The following EIF2AK1 variants were observed in gnomAD, a reference collection of about 807,000 sequenced individuals.
EIF2AK1 encodes eukaryotic translation initiation factor 2-alpha kinase 1.
EIF2AK1 carries 54 observed loss-of-function variants against 77.9 expected under a neutral mutation model. The observed-to-expected ratio is 0.69, with a 90% CI of 0.56 to 0.87. The LOEUF is 0.87. Among genes scored for constraint, EIF2AK1 ranks in the 40% least tolerant of loss-of-function variants. The pLI, the probability that EIF2AK1 is intolerant of heterozygous loss-of-function variation, is 0.00. For missense variants in EIF2AK1, 810 were observed against 768.6 expected, an observed-to-expected ratio of 1.05 and a Z score of -0.64; for synonymous variants, 314 against 290.5, an observed-to-expected ratio of 1.08 and a Z score of -0.82.
intron 9 of EIF2AK1, 37 bp from the exon 10 acceptor site, chr7:6,038,708 C>T (rs766216264): frequency 9.9e-6 from 15 of 1,516,686 alleles, no homozygotes; most frequent in Admixed American, 7.3e-5. Flanking sequence ...CATCTTTGCA[C>T]GATTCACTCG....
chr7:6,043,056 C>CACG, intron 7 of EIF2AK1, 63 bp from the exon 8 acceptor site: 2 of 1,520,212 alleles, frequency 1.3e-6, no homozygotes, highest in Non-Finnish European at 1.8e-6. Context: ...TAGTCAAAGA[C>CACG]AGAGTTAAAA....
At position 6,059,084 on chromosome 7, in the gene EIF2AK1, C is replaced by T; in HGVS notation, c.-1G>A. 1 of 1,388,250 alleles carries T rather than the reference C, an allele frequency of 7.2e-7. No individual in the cohort carries two copies. Among genetic ancestry groups the T allele is most frequent in the South Asian group, 1.6e-5 (1 of 61,350 alleles). The allele number at this position is 1,388,250 out of a possible 1,614,324, so 86.0% of individuals were successfully genotyped here. A position where few individuals can be genotyped will look rare whatever the true frequency, so the allele number is the denominator to read the frequency against. ...GGACCCCGGAGTTGCCCCCCTGCAT[C>T]GCCGGCCGCGCGCGGGCCGCAGCCC... On this transcript the variant is annotated 5_prime_UTR_variant, in exon 1 of 15. Coordinates refer to ENST00000199389, the MANE Select transcript of EIF2AK1 (RefSeq NM_014413.4).
chr7:6,024,677 C>T lies in EIF2AK1; in HGVS notation c.1889G>A (p.Gly630Glu), dbSNP rs1787686672. The change falls in exon 15 of 15, where the codon GGA becomes GAA. Residue 630 changes from glycine (G) to glutamate (E), a missense_variant. This residue lies in a region of EIF2AK1 where 549 missense variants were observed against 533.7 expected (regional missense o/e 1.03). Coordinates refer to ENST00000199389, the MANE Select transcript of EIF2AK1 (RefSeq NM_014413.4). Reference protein sequence around the residue: ...VRDDGKDGGVG With the variant: ...VRDDGKDGGVE ...CCTTAAAAGTTAAGTCCACTTTCAT[C>T]CCACGCCCCCATCCTTTCCGTCATC... 6.2e-7 allele frequency: 1 copy of T among 1,613,696 alleles called. No individual in the cohort carries two copies. The highest frequency in any genetic ancestry group is 1.3e-5 in the African/African-American group (1 of 74,870).
At chr7:6,043,093 C>T in intron 7 of EIF2AK1, 100 bp from the exon 8 acceptor site, 2 of 1,186,988 alleles carry the variant, frequency 1.7e-6, no homozygotes, top group Non-Finnish European at 2.4e-6. Context: ...AATGAGACTA[C>T]AAGTCTAAAA....
At position 6,028,929 on chromosome 7, in the gene EIF2AK1, C is replaced by T. The variant is rs781391399; in HGVS notation, c.1436G>A (p.Arg479Lys). 3.8e-6 allele frequency: 6 copies of T among 1,598,742 alleles called. No individual in the cohort carries two copies. Among genetic ancestry groups the T allele is most frequent in the African/African-American group, 2.7e-5 (2 of 73,654 alleles). Residue 479 changes from arginine (R) to lysine (K), a missense_variant, in exon 12 of 15, where the codon AGA becomes AAA. Around this residue, in one of 3 missense-constraint regions of EIF2AK1, gnomAD observed 549 missense variants for 533.7 expected, o/e 1.03. Coordinates refer to ENST00000199389, the MANE Select transcript of EIF2AK1 (RefSeq NM_014413.4). The stretch of plus-strand genomic sequence containing the variant: ...AACCAAAAACTTACTCTTCCCGTTT[C>T]TGTTGGTCCAGTCTGTGTTCTTCTG... Reference protein sequence around the residue: ...ILQKNTDWTNRNGKRTPTHTS... With the variant: ...ILQKNTDWTNKNGKRTPTHTS...
chr7:6,026,666 TC>T (rs1562739698), intron 14 of EIF2AK1, 61 bp downstream of exon 14: 4 of 1,380,528 alleles, frequency 2.9e-6, no homozygotes, highest in Non-Finnish European at 3.1e-6. Flanking sequence ...ACCGCTTCCT[TC>T]CCCAAGAGAG....
At chr7:6,054,192 C>T (rs1788685770) in intron 2 of EIF2AK1, among the ~76,000 whole-genome samples, 1 of 145,528 alleles carries the variant, frequency 6.9e-6, no homozygotes. Flanking sequence ...AACAGCAACA[C>T]AGTATTTTTA....
At chr7:6,043,424 C>T (rs1177313798) in intron 7 of EIF2AK1, among the ~76,000 whole-genome samples, 1 of 151,692 alleles carries the variant, frequency 6.6e-6, no homozygotes, top group Non-Finnish European at 1.5e-5. Flanking sequence ...ATTTTTAAAA[C>T]AAAATTTAAT....
chr7:6,056,598 GAAAA>G (rs1181376161), intron 1 of EIF2AK1, among the ~76,000 whole-genome samples: 1 of 48,814 alleles, frequency 2.0e-5, no homozygotes, highest in South Asian at 7.9e-4. Context: ...CATCTCAAGG[GAAAA>G]AAAAAAAAAA....
At chr7:6,055,567 A>G (rs1160194233) in intron 1 of EIF2AK1, among the ~76,000 whole-genome samples, 1 of 151,614 alleles carries the variant, frequency 6.6e-6, no homozygotes, top group Non-Finnish European at 1.5e-5. Context: ...TGACTCCCGA[A>G]CCCCATCCTC....
rs1788556037 is a variant in EIF2AK1 at position 6,049,898 on chromosome 7, T to A, written c.411+14A>T. 4 of 1,600,358 alleles carry A rather than the reference T, an allele frequency of 2.5e-6. No homozygotes were observed. The highest frequency in any genetic ancestry group is 3.4e-6 in the Non-Finnish European group (4 of 1,176,530). On this transcript the variant is annotated intron_variant, in intron 3 of 14. Transcript: ENST00000199389. ...TATTTTTGTCATACCCAAAGTATAT[T>A]TTTTAGGGCTTACCTGACGAACTCT...
chr7:6,031,648 G>C, intron 11 of EIF2AK1: 2 of 1,508,118 alleles, frequency 1.3e-6, no homozygotes, highest in African/African-American at 1.4e-5. Context: ...TTAGAAAGAA[G>C]CATGATCTAA....
At chr7:6,025,648 T>TATATTG (rs1787723672) in intron 14 of EIF2AK1, among the ~76,000 whole-genome samples, 1 of 152,212 alleles carries the variant, frequency 6.6e-6, no homozygotes, top group South Asian at 2.1e-4. Flanking sequence ...GTTCACTATT[T>TATATTG]ATATTGAGAC....
intron 6 of EIF2AK1, 61 bp from the exon 7 acceptor site, chr7:6,044,722 T>G: frequency 6.9e-7 from 1 of 1,449,312 alleles, no homozygotes; most frequent in Non-Finnish European, 9.6e-7. Flanking sequence ...GTTTATGCAA[T>G]ACTTCTTGTT....
intron 2 of EIF2AK1, 125 bp downstream of exon 2, chr7:6,054,421 C>A: frequency 9.8e-7 from 1 of 1,023,998 alleles, no homozygotes; most frequent in South Asian, 1.7e-5. Flanking sequence ...CCAAACCGAT[C>A]TCGATCTCCG....
rs745844458 is a variant in EIF2AK1 at position 6,059,040 on chromosome 7, C to G, written c.44G>C (p.Gly15Ala). Residue 15 changes from glycine (G) to alanine (A), a missense_variant, in exon 1 of 15, where the codon GGC (glycine) becomes GCC (alanine). Physicochemically the swap from Gly to Ala is moderately conservative, Grantham distance 60. Around this residue, in one of 3 missense-constraint regions of EIF2AK1, gnomAD observed 246 missense variants for 199.0 expected, o/e 1.24. Transcript: ENST00000199389. ...NSGVRKREEE[G>A]DGAGAVAAPP... ...CGCAGCCACAGCCCCAGCCCCGTCG[C>G]CCTCCTCTTCGCGCTTGCGGACCCC... is the stretch of plus-strand genomic sequence containing the variant. The G allele has an allele frequency of 2.0e-6, 3 of 1,512,194 alleles. No homozygotes were observed. Among genetic ancestry groups the G allele is most frequent in the Non-Finnish European group, 2.6e-6 (3 of 1,135,654 alleles). 93.7% of individuals were successfully genotyped at this position (1,512,194 alleles called of 1,614,324 possible).
intron 9 of EIF2AK1, among the ~76,000 whole-genome samples, chr7:6,039,436 A>G (rs1040217696): frequency 2.0e-5 from 3 of 151,940 alleles, no homozygotes; most frequent in Admixed American, 1.3e-4. Context: ...CCTGAACAAC[A>G]TGATGAAACC....
At chr7:6,050,904 A>G (rs1451779584) in intron 2 of EIF2AK1, among the ~76,000 whole-genome samples, 1 of 152,110 alleles carries the variant, frequency 6.6e-6, no homozygotes, top group African/African-American at 2.4e-5. Context: ...CACCCGGCCT[A>G]TAATTACTTC....
chr7:6,024,702 C>T lies in EIF2AK1; in HGVS notation c.1864G>A (p.Asp622Asn), dbSNP rs1562738186. The T allele has an allele frequency of 1.9e-6, 3 of 1,612,020 alleles. No homozygotes were observed. Among genetic ancestry groups the T allele is most frequent in the Non-Finnish European group, 2.5e-6 (3 of 1,179,532 alleles). Residue 622 changes from aspartate to asparagine, a missense_variant, in exon 15 of 15, where the codon GAT becomes AAT. Around this residue, in one of 3 missense-constraint regions of EIF2AK1, gnomAD observed 549 missense variants for 533.7 expected, o/e 1.03. Coordinates refer to ENST00000199389, the MANE Select transcript of EIF2AK1 (RefSeq NM_014413.4). ...CCCACGCCCCCATCCTTTCCGTCATCCCTCACCCCTTTGTCTTGAGAAAGG... is the reference window on the plus strand; with the variant it reads ...CCCACGCCCCCATCCTTTCCGTCATTCCTCACCCCTTTGTCTTGAGAAAGG... Reference protein sequence around the residue: ...NLLSQDKGVRDDGKDGGVG With the variant: ...NLLSQDKGVRNDGKDGGVG
Sources: allele counts gnomAD v4.1 joint callset (sites outside exome capture counted in the v4.1 genomes callset), GRCh38; gene constraint gnomAD v4.1.1; regional missense constraint gnomAD v4.1.1; transcripts MANE v1.5; gene names NCBI Gene and HGNC (gene_info 2026-07-23, HGNC 2026-07-21).